The following NOP58 variants were observed in gnomAD, a reference collection of about 807,000 sequenced individuals.
NOP58 encodes NOP58 ribonucleoprotein, also known as nucleolar protein 58.
Under a neutral mutation model 71.2 loss-of-function variants are expected in NOP58, and 44 were observed. The observed-to-expected ratio is 0.62, with a 90% CI of 0.49 to 0.79. The LOEUF is 0.79. NOP58 is among the 30% of genes least tolerant of loss of function. NOP58 has a pLI of 0.00. For synonymous variants in NOP58, 228 were observed against 200.3 expected, an observed-to-expected ratio of 1.14 and a Z score of -1.17; for missense variants, 538 against 620.2, an observed-to-expected ratio of 0.87 and a Z score of 1.41.
intron 3 of NOP58, among the ~76,000 whole-genome samples, chr2:202,279,733 G>A (rs913914369): frequency 6.6e-6 from 1 of 152,208 alleles, no homozygotes; most frequent in South Asian, 2.1e-4. Context: ...GGCAGAGATA[G>A]CACTGAGCCA....
At position 202,290,310 on chromosome 2, in the gene NOP58, T is replaced by A. The variant is rs1377804551; in HGVS notation, c.500-13T>A. The A allele has an allele frequency of 1.3e-6, 2 of 1,577,032 alleles. No homozygotes were observed. Among genetic ancestry groups the A allele is most frequent in the Middle Eastern group, 1.7e-4 (1 of 5,922 alleles). ...CCTTTAAGTTTTGTTTGTTTGTTTT[T>A]AATCTACTACAGCCTTGTTAGATGA... On this transcript the variant is annotated splice_polypyrimidine_tract_variant and intron_variant, in intron 6 of 14. Transcript: ENST00000264279.
chr2:202,282,023 A>G (rs1201599905), intron 3 of NOP58, among the ~76,000 whole-genome samples: 1 of 152,204 alleles, frequency 6.6e-6, no homozygotes, highest in African/African-American at 2.4e-5. Context: ...TGAAATGACA[A>G]AGGAAAGTGA....
intron 1 of NOP58, among the ~76,000 whole-genome samples, chr2:202,271,280 G>A (rs1688507649): frequency 6.6e-6 from 1 of 151,954 alleles, no homozygotes; most frequent in Non-Finnish European, 1.5e-5. Context: ...CATAAGCTGG[G>A]TGTGGTGGCT....
chr2:202,276,559 G>C (rs1688594311), intron 2 of NOP58: 1 of 464,826 alleles, frequency 2.2e-6, no homozygotes, highest in African/African-American at 2.0e-5. Flanking sequence ...CTACCCTGAG[G>C]CTGGGCGTGA....
At chr2:202,302,526 T>C (rs1197893121) in intron 13 of NOP58, among the ~76,000 whole-genome samples, 1 of 152,208 alleles carries the variant, frequency 6.6e-6, no homozygotes, top group Admixed American at 6.5e-5. Flanking sequence ...TTAAGTTTTA[T>C]AGATAGGGAG....
At chr2:202,288,833 A>G (rs1218433382) in intron 6 of NOP58, among the ~76,000 whole-genome samples, 3 of 151,706 alleles carry the variant, frequency 2.0e-5, no homozygotes, top group African/African-American at 7.3e-5. Flanking sequence ...AAAACAAAGT[A>G]TTCGGCTGGG....
intron 1 of NOP58, among the ~76,000 whole-genome samples, chr2:202,267,025 T>C (rs1688428456): frequency 6.6e-6 from 1 of 152,088 alleles, no homozygotes; most frequent in South Asian, 2.1e-4. Flanking sequence ...TTGGTTGTTT[T>C]CGTGGGGAAA....
intron 4 of NOP58, among the ~76,000 whole-genome samples, chr2:202,284,008 G>A (rs780894591): frequency 1.3e-5 from 2 of 151,978 alleles, no homozygotes; most frequent in African/African-American, 2.4e-5. Flanking sequence ...CAGGCTGGGC[G>A]CGGTGGCTCA....
chr2:202,268,613 T>TTTTTTTTTTTTTG (rs1413198028), intron 1 of NOP58, among the ~76,000 whole-genome samples: 1 of 151,546 alleles, frequency 6.6e-6, no homozygotes, highest in Non-Finnish European at 1.5e-5. Flanking sequence ...AAGTTTTTTG[T>TTTTTTTTTTTTTG]TTTTTTGTTT....
intron 1 of NOP58, among the ~76,000 whole-genome samples, chr2:202,269,758 A>T (rs1688485913): frequency 6.6e-6 from 1 of 152,104 alleles, no homozygotes; most frequent in Non-Finnish European, 1.5e-5. Flanking sequence ...AGAAAAAAAG[A>T]AAAAAAGAAA....
intron 9 of NOP58, among the ~76,000 whole-genome samples, chr2:202,294,597 T>C (rs1168517665): frequency 6.6e-6 from 1 of 152,120 alleles, no homozygotes; most frequent in Non-Finnish European, 1.5e-5. Flanking sequence ...AACATACATA[T>C]CTATAATAAA....
chr2:202,268,144 TATG>T (rs1688448032), intron 1 of NOP58, among the ~76,000 whole-genome samples: 1 of 152,316 alleles, frequency 6.6e-6, no homozygotes, highest in East Asian at 1.9e-4. Context: ...GTAAAATTAA[TATG>T]ATATATGGTG....
At chr2:202,277,105 G>A (rs544028104) in intron 2 of NOP58, among the ~76,000 whole-genome samples, 5 of 152,286 alleles carry the variant, frequency 3.3e-5, no homozygotes, top group Non-Finnish European at 7.4e-5. Flanking sequence ...GGCTAACACG[G>A]TGAAACCCCG....
In NOP58 at chr2:202,303,524, CAAGGG is replaced by C; in HGVS notation, c.*93_*97del. ...TACCAGGGATGCTCTCTAACGTAAT[CAAGGG>C]AAGGTTCAGTAAGACAAAGTGATTT... On this transcript the variant is annotated 3_prime_UTR_variant, in exon 15 of 15. Transcript: ENST00000264279. The C allele has an allele frequency of 6.7e-7, 1 of 1,488,080 alleles. No homozygotes were observed. 92.2% of individuals were successfully genotyped at this position (1,488,080 alleles called of 1,614,324 possible).
At chr2:202,266,052 C>G in intron 1 of NOP58, 66 bp downstream of exon 1, 1 of 1,570,612 alleles carries the variant, frequency 6.4e-7, no homozygotes, top group Non-Finnish European at 8.8e-7. Flanking sequence ...GAGGGAAAGA[C>G]TTAAGCACGG....
intron 6 of NOP58, among the ~76,000 whole-genome samples, chr2:202,288,485 T>TA (rs369945744): frequency 0.061 from 7,036 of 115,072 alleles, 480 homozygotes; most frequent in African/African-American, 0.18. Context: ...TCCATCTCAC[T>TA]AAAAAAAAAA....
rs1173708850 is a variant in NOP58, at chr2:202,295,721, C to T, written c.955C>T (p.Leu319Phe). The change falls in exon 10 of 15, where the codon CTT (leucine) becomes TTT (phenylalanine). Residue 319 changes from leucine to phenylalanine, a missense_variant. Transcript: ENST00000264279. Reference sequence around the variant, plus strand: ...GCATGCAGCTTCTACCGTTCAGATTCTTGGAGCTGAAAAGGCACTTTTCAG... The same window carrying T: ...GCATGCAGCTTCTACCGTTCAGATTTTTGGAGCTGAAAAGGCACTTTTCAG... The part of the protein sequence containing the change: ...AKHAASTVQI[L>F]GAEKALFRAL... The T allele has an allele frequency of 4.3e-6, 7 of 1,610,012 alleles. No homozygotes were observed. Among genetic ancestry groups the T allele is most frequent in the Non-Finnish European group, 5.9e-6 (7 of 1,178,648 alleles).
At chr2:202,292,444 C>T (rs1306613561) in intron 8 of NOP58, among the ~76,000 whole-genome samples, 2 of 151,836 alleles carry the variant, frequency 1.3e-5, no homozygotes, top group African/African-American at 4.8e-5. Context: ...AGAGACCATA[C>T]TGGCCAACAT....
chr2:202,268,642 A>G (rs1688460110), intron 1 of NOP58, among the ~76,000 whole-genome samples: 1 of 149,630 alleles, frequency 6.7e-6, no homozygotes, highest in Admixed American at 6.8e-5. Flanking sequence ...ACGGAGTTTC[A>G]CTCTTGTTGC....
Sources: gnomAD v4.1 joint callset for allele counts (sites outside exome capture counted in the v4.1 genomes callset) on GRCh38, gnomAD v4.1.1 for gene constraint, MANE v1.5 for transcripts, NCBI Gene and HGNC (gene_info 2026-07-23, HGNC 2026-07-21) for gene names.